Variants in SLC6A15 observed in about 807,000 individuals in gnomAD.
SLC6A15 encodes the protein sodium-dependent neutral amino acid transporter B(0)AT2.
A neutral mutation model predicts 68.5 loss-of-function variants in SLC6A15; 33 were observed. That is an observed-to-expected ratio of 0.48 (90% confidence interval 0.37 to 0.64). The LOEUF is 0.64. Ranked by LOEUF, SLC6A15 falls within the 30% of genes least tolerant of loss-of-function variation. The pLI is 0.00. For missense variants in SLC6A15, 747 were observed against 874.3 expected (o/e 0.85, Z 1.84); for synonymous variants, 347 against 301.0 (o/e 1.15, Z -1.58).
chr12:84,871,725 T>A (rs1335857761), intron 8 of SLC6A15, among the ~76,000 whole-genome samples: 1 of 152,220 alleles, frequency 6.6e-6, no homozygotes, highest in Non-Finnish European at 1.5e-5. Context: ...CAGTTAACTA[T>A]CTTAAAGCAA....
At position 84,878,381 on chromosome 12, in the gene SLC6A15, G is replaced by T. The variant is rs374824276; in HGVS notation, c.757-1774C>A. On this transcript the variant is annotated intron_variant, in intron 5 of 11. Transcript: ENST00000266682. ...CTTTTGGCATTCATTAAATTTGGCA[G>T]TTGCCTTGATCTCACTTGAATTAAA... Among the ~76,000 whole-genome samples, 98 of 152,186 alleles carry T rather than the reference G, an allele frequency of 6.4e-4. 4 individuals carry two copies. The South Asian group carries it at 0.018, about 28-fold the overall frequency.
intron 1 of SLC6A15, among the ~76,000 whole-genome samples, chr12:84,899,634 A>G (rs1329770395): frequency 6.6e-6 from 1 of 152,158 alleles, no homozygotes; most frequent in Non-Finnish European, 1.5e-5. Flanking sequence ...TAAAGCTTGC[A>G]AAGAACCCCA....
In SLC6A15 at chr12:84,867,050, C is replaced by A; in HGVS notation, c.1639G>T (p.Val547Phe). 1 of 1,600,160 alleles carries A rather than the reference C, an allele frequency of 6.2e-7. No homozygotes were observed. Among genetic ancestry groups the A allele is most frequent in the Non-Finnish European group, 8.5e-7 (1 of 1,174,386 alleles). The change falls in exon 10 of 12, where the codon GTT (valine) becomes TTT (phenylalanine). Residue 547 changes from valine to phenylalanine, a missense_variant. Val to Phe is a conservative substitution (Grantham distance 50). Transcript: ENST00000266682. ...VILENIAVCF[V>F]YGIDKFMEDL... ...TATACTTACTTATCTATGCCATAAA[C>A]AAAGCATACAGCAATATTCTCCAAA... is the stretch of plus-strand genomic sequence containing the variant.
intron 10 of SLC6A15, among the ~76,000 whole-genome samples, chr12:84,865,289 T>C (rs1277589412): frequency 6.6e-6 from 1 of 152,208 alleles, no homozygotes; most frequent in East Asian, 1.9e-4. Flanking sequence ...ATTTTTTGAT[T>C]ACACACTTTA....
intron 4 of SLC6A15, among the ~76,000 whole-genome samples, 161 bp downstream of exon 4, chr12:84,885,274 T>C (rs1872038775): frequency 6.6e-6 from 1 of 152,156 alleles, no homozygotes. Context: ...AAAGTCTATC[T>C]CTAAGAGTAT....
chr12:84,860,489 T>G lies in SLC6A15; in HGVS notation c.*1143A>C, dbSNP rs1255913911. Reference sequence around the variant, plus strand: ...AACACCATTGAACCATAATACTCTATTTTTCCTTAGACTCTGAAGCGGTGG... The same window carrying G: ...AACACCATTGAACCATAATACTCTAGTTTTCCTTAGACTCTGAAGCGGTGG... On this transcript the variant is annotated 3_prime_UTR_variant, in exon 12 of 12. Transcript: ENST00000266682. 2 of 152,092 alleles carry G rather than the reference T, an allele frequency of 1.3e-5. No homozygotes were observed. Among genetic ancestry groups the G allele is most frequent in the Non-Finnish European group, 2.9e-5 (2 of 67,960 alleles). The allele number at this position is 152,092 out of a possible 1,614,324, so 9.4% of individuals were successfully genotyped here. A position where few individuals can be genotyped will look rare whatever the true frequency, so the allele number is the denominator to read the frequency against.
chr12:84,894,900 A>G (rs534823146), intron 1 of SLC6A15, among the ~76,000 whole-genome samples: 3 of 152,236 alleles, frequency 2.0e-5, no homozygotes, highest in Admixed American at 6.5e-5. Flanking sequence ...TACTACAGAT[A>G]TCGTATAACA....
intron 1 of SLC6A15, among the ~76,000 whole-genome samples, chr12:84,895,461 G>C (rs1237079409): frequency 7.2e-6 from 1 of 139,378 alleles, no homozygotes; most frequent in Non-Finnish European, 1.5e-5. Flanking sequence ...GCAATTCTCT[G>C]CCTCAGCCTC....
chr12:84,896,234 G>C (rs892764183), intron 1 of SLC6A15, among the ~76,000 whole-genome samples: 3 of 152,126 alleles, frequency 2.0e-5, no homozygotes, highest in African/African-American at 7.2e-5. Context: ...GTACAATAGA[G>C]CAGGAGTCAA....
At chr12:84,894,728 C>T (rs1872565329) in intron 1 of SLC6A15, among the ~76,000 whole-genome samples, 1 of 152,018 alleles carries the variant, frequency 6.6e-6, no homozygotes, top group Non-Finnish European at 1.5e-5. Flanking sequence ...GTGAATAATC[C>T]TCACCAATTT....
chr12:84,899,146 A>G (rs1219563630), intron 1 of SLC6A15, among the ~76,000 whole-genome samples: 1 of 152,206 alleles, frequency 6.6e-6, no homozygotes, highest in Non-Finnish European at 1.5e-5. Flanking sequence ...CCAAAAAGAA[A>G]AGGTGAGCCC....
intron 2 of SLC6A15, 97 bp from the exon 3 acceptor site, chr12:84,886,165 T>A (rs965869525): frequency 1.3e-6 from 1 of 798,624 alleles, no homozygotes; most frequent in Admixed American, 2.7e-5. Context: ...TGAATTACTA[T>A]ATAGTGCAAT....
intron 1 of SLC6A15, among the ~76,000 whole-genome samples, chr12:84,903,147 C>A (rs1872964468): frequency 6.6e-6 from 1 of 152,116 alleles, no homozygotes; most frequent in South Asian, 2.1e-4. Context: ...AATCATAAAG[C>A]AATTTCCATA....
Position 84,879,573 on chromosome 12 carries a change from G to A in SLC6A15, c.757-2966C>T, listed in dbSNP as rs145285266. On this transcript the variant is annotated intron_variant, in intron 5 of 11. Coordinates refer to ENST00000266682, the MANE Select transcript of SLC6A15 (RefSeq NM_182767.6). ...ACTTGTGAGCTCAGGCAATCCACCCGCCTCGGCCTCCAAAAGTGCTGGGAT... is the reference window on the plus strand; with the variant it reads ...ACTTGTGAGCTCAGGCAATCCACCCACCTCGGCCTCCAAAAGTGCTGGGAT... Among the ~76,000 whole-genome samples, 408 of 151,762 alleles carry A rather than the reference G, an allele frequency of 2.7e-3. 10 individuals are homozygous for A. Among genetic ancestry groups the A allele is most frequent in the South Asian group, 4.6e-3 (22 of 4,802 alleles).
chr12:84,877,851 T>A (rs996219034), intron 5 of SLC6A15, among the ~76,000 whole-genome samples: 3 of 152,170 alleles, frequency 2.0e-5, no homozygotes, highest in Admixed American at 6.6e-5. Flanking sequence ...ATTTTTTGTA[T>A]CCTCTAACAG....
At chr12:84,866,408 ATTAT>A (rs1413510466) in intron 10 of SLC6A15, among the ~76,000 whole-genome samples, 1 of 152,200 alleles carries the variant, frequency 6.6e-6, no homozygotes, top group Admixed American at 6.5e-5. Context: ...GAATTTATTC[ATTAT>A]TTATGCGTAT....
intron 1 of SLC6A15, among the ~76,000 whole-genome samples, chr12:84,909,484 T>C (rs1873337857): frequency 6.6e-6 from 1 of 152,082 alleles, no homozygotes; most frequent in South Asian, 2.1e-4. Context: ...ACATCAAAAA[T>C]TGTTTAGTAA....
At position 84,863,461 on chromosome 12, in the gene SLC6A15, T is replaced by C. The variant is rs1243738958; in HGVS notation, c.1796A>G (p.Tyr599Cys). 2 of 1,581,578 alleles carry C rather than the reference T, an allele frequency of 1.3e-6. No homozygotes were observed. Among genetic ancestry groups the C allele is most frequent in the Non-Finnish European group, 1.7e-6 (2 of 1,169,160 alleles). Residue 599 changes from tyrosine to cysteine, a missense_variant, in exon 11 of 12, where the codon TAT (tyrosine) becomes TGT (cysteine). Physicochemically the swap from Tyr to Cys is radical, Grantham distance 194. Transcript: ENST00000266682. ...TACCTTATCTTCAATCCATGCGTTA[T>C]AGCCAGGAGGACTTAATCCCATATT... ...VVNMGLSPPG[Y>C]NAWIEDKASE...
intron 10 of SLC6A15, among the ~76,000 whole-genome samples, chr12:84,864,343 CAG>C (rs1870980851): frequency 7.6e-6 from 1 of 132,236 alleles, no homozygotes. Flanking sequence ...TTTTTTGAGA[CAG>C]AGTCTCACCT....
Sources: allele counts gnomAD v4.1 joint callset (sites outside exome capture counted in the v4.1 genomes callset), GRCh38; gene constraint gnomAD v4.1.1; transcripts MANE v1.5; gene names NCBI Gene and HGNC (gene_info 2026-07-23, HGNC 2026-07-21).